Variants in STAT1 observed in about 807,000 individuals in gnomAD.
STAT1 encodes the protein signal transducer and activator of transcription 1-alpha/beta.
Under a neutral mutation model 111.7 loss-of-function variants are expected in STAT1, and 24 were observed. The ratio of observed to expected loss-of-function variants is 0.21; its 90% CI spans 0.16 to 0.30. The LOEUF is 0.30. Ranked by LOEUF, STAT1 falls within the 10% of genes least tolerant of loss-of-function variation. The pLI, the probability that STAT1 is intolerant of heterozygous loss-of-function variation, is 1.00. For missense variants in STAT1, 351 were observed against 911.9 expected (o/e 0.38, Z 7.92); for synonymous variants, 332 against 326.5 (o/e 1.02, Z -0.18).
rs1694422852 is a variant in STAT1 at position 191,003,310 on chromosome 2, G to A, written c.373-2147C>T. 6.6e-6 allele frequency among the ~76,000 whole-genome samples: 1 copy of A among 152,198 alleles called. No homozygotes were observed. Among genetic ancestry groups the A allele is most frequent in the African/African-American group, 2.4e-5 (1 of 41,448 alleles). On this transcript the variant is annotated intron_variant, in intron 5 of 24. Coordinates refer to ENST00000361099, the MANE Select transcript of STAT1 (RefSeq NM_007315.4). The surrounding 1 kb of genome is among the most constrained non-coding windows in gnomAD (Gnocchi z 4.0). ...ACAAAAGGGGTTTCTCTGGGCGGTT[G>A]GAATAAGTTGTCACTTTGAGGAGTT...
In STAT1 at chr2:190,982,318, G is replaced by A. The variant is rs989433021; in HGVS notation, c.1582+65C>T. 14 of 1,581,008 alleles carry A rather than the reference G, an allele frequency of 8.9e-6. No individual in the cohort carries two copies. The highest frequency in any genetic ancestry group is 8.4e-5 in the Admixed American group (5 of 59,768). On this transcript the variant is annotated intron_variant, in intron 18 of 24. Coordinates refer to ENST00000361099, the MANE Select transcript of STAT1 (RefSeq NM_007315.4). The surrounding 1 kb of genome is among the most constrained non-coding windows in gnomAD (Gnocchi z 7.3). ...TAACAAAATAGCAGAGGGGAAAAGA[G>A]CAATTAGAGAGATATTTTTATGAAT...
At position 190,986,263 on chromosome 2, in the gene STAT1, C is replaced by A. The variant is rs1215033479; in HGVS notation, c.1221+591G>T. Among the ~76,000 whole-genome samples the A allele has an allele frequency of 6.6e-6, 1 of 152,178 alleles. No individual in the cohort carries two copies. The highest frequency in any genetic ancestry group is 1.5e-5 in the Non-Finnish European group (1 of 68,022). On this transcript the variant is annotated intron_variant, in intron 14 of 24. Transcript: ENST00000361099. This position sits in a 1 kb window ranked among gnomAD's most constrained non-coding sequence, Gnocchi z 5.0. ...CTGCAGGTTCTGGGCCCAGGGAAAG[C>A]TTCGGACTCAGCACCCACAGAGCCT...
chr2:191,013,389 TG>T (rs3215260), intron 2 of STAT1, 135 bp downstream of exon 2: 168,525 of 364,516 alleles, frequency 0.46, 43,967 homozygotes, highest in Non-Finnish European at 0.55. Context: ...TATTTTGGGG[TG>T]GGGGGTCTGC....
Position 190,993,466 on chromosome 2 carries a change from TA to T in STAT1, c.944+1594del. 1 of 1,245,598 alleles carries T rather than the reference TA, an allele frequency of 8.0e-7. No homozygotes were observed. The highest frequency in any genetic ancestry group is 1.2e-6 in the Non-Finnish European group (1 of 866,472). 77.2% of individuals were successfully genotyped at this position (1,245,598 alleles called of 1,614,324 possible). The stretch of plus-strand genomic sequence containing the variant: ...TGCTGATGTAGCTTTCTGTATATGT[TA>T]TCATCTGCAAACCTAAGAAGGAGGC... On this transcript the variant is annotated intron_variant, in intron 10 of 24. Coordinates refer to ENST00000361099, the MANE Select transcript of STAT1 (RefSeq NM_007315.4). This position sits in a 1 kb window ranked among gnomAD's most constrained non-coding sequence, Gnocchi z 4.1.
Position 190,984,241 on chromosome 2 carries a change from TA to T in STAT1, c.1347+68del. On this transcript the variant is annotated intron_variant, in intron 16 of 24. Transcript: ENST00000361099. The surrounding 1 kb of genome is among the most constrained non-coding windows in gnomAD (Gnocchi z 5.2). Reference sequence around the variant, plus strand: ...TACCTCCAGAACAAACACTGAGAAATAAAAATACATGTAACAATTAAAAGTA... The same window carrying T: ...TACCTCCAGAACAAACACTGAGAAATAAAATACATGTAACAATTAAAAGTA... 1.5e-6 allele frequency: 2 copies of T among 1,296,070 alleles called. No homozygotes were observed. Among genetic ancestry groups the T allele is most frequent in the South Asian group, 1.2e-5 (1 of 82,170 alleles). The allele number at this position is 1,296,070 out of a possible 1,614,324, so 80.3% of individuals were successfully genotyped here.
chr2:191,009,720 T>A (rs1694984236), intron 3 of STAT1, among the ~76,000 whole-genome samples, 156 bp downstream of exon 3: 1 of 152,172 alleles, frequency 6.6e-6, no homozygotes, highest in Non-Finnish European at 1.5e-5. Flanking sequence ...CTCAACTTTG[T>A]TGAGTCATTT....
Position 190,969,649 on chromosome 2 carries a change from G to A in STAT1, c.*1054C>T, listed in dbSNP as rs971028087. On this transcript the variant is annotated 3_prime_UTR_variant, in exon 25 of 25. Coordinates refer to ENST00000361099, the MANE Select transcript of STAT1 (RefSeq NM_007315.4). ...CACATATATCAGCGAAACATATGCA[G>A]TTCTCAATGCAGTTACATAGGAAAT... 7 of 152,200 alleles carry A rather than the reference G, an allele frequency of 4.6e-5. No individual in the cohort carries two copies. 9.4% of individuals were successfully genotyped at this position (152,200 alleles called of 1,614,324 possible).
At chr2:191,005,223 T>C (rs73979323) in intron 5 of STAT1, among the ~76,000 whole-genome samples, 6,012 of 152,284 alleles carry the variant, frequency 0.039, 385 homozygotes, top group African/African-American at 0.14. Context: ...CATTCATGGA[T>C]GGCCTTGTTT....
chr2:190,982,752 T>C lies in STAT1; in HGVS notation c.1447-234A>G, dbSNP rs1033926653. On this transcript the variant is annotated intron_variant, in intron 17 of 24. Coordinates refer to ENST00000361099, the MANE Select transcript of STAT1 (RefSeq NM_007315.4). This position sits in a 1 kb window ranked among gnomAD's most constrained non-coding sequence, Gnocchi z 7.3. ...TCCAAAATCTAAATACATGGCATCT[T>C]TGGGGTCATTTGAAGACACACCCGT... is the stretch of plus-strand genomic sequence containing the variant. 1.3e-5 allele frequency among the ~76,000 whole-genome samples: 2 copies of C among 152,156 alleles called. No individual in the cohort carries two copies. Among genetic ancestry groups the C allele is most frequent in the African/African-American group, 4.8e-5 (2 of 41,438 alleles).
rs969655371 is a variant in STAT1, at chr2:190,986,605, C to T, written c.1221+249G>A. 1.3e-5 allele frequency among the ~76,000 whole-genome samples: 2 copies of T among 152,154 alleles called. No homozygotes were observed. Among genetic ancestry groups the T allele is most frequent in the Non-Finnish European group, 2.9e-5 (2 of 68,032 alleles). On this transcript the variant is annotated intron_variant, in intron 14 of 24. Transcript: ENST00000361099. The surrounding 1 kb of genome is among the most constrained non-coding windows in gnomAD (Gnocchi z 5.0). The stretch of plus-strand genomic sequence containing the variant: ...GCAGGCAGCAAGTGCAAATCATTTA[C>T]GTAAACACAGGCTTAGGAAATATTT...
chr2:190,985,517 G>A (rs1692734227), intron 15 of STAT1, 102 bp downstream of exon 15: 5 of 1,210,416 alleles, frequency 4.1e-6, no homozygotes, highest in Non-Finnish European at 6.1e-6. Flanking sequence ...TCCCTGATGG[G>A]TCTGAACTCC....
chr2:190,998,436 C>T lies in STAT1; in HGVS notation c.542-128G>A, dbSNP rs140609359. 1.1e-4 allele frequency: 81 copies of T among 768,548 alleles called. No homozygotes were observed. The highest frequency in any genetic ancestry group is 9.2e-4 in the African/African-American group (53 of 57,710). 47.6% of individuals were successfully genotyped at this position (768,548 alleles called of 1,614,324 possible). A position where few individuals can be genotyped will look rare whatever the true frequency, so the allele number is the denominator to read the frequency against. On this transcript the variant is annotated intron_variant, in intron 7 of 24. Transcript: ENST00000361099. The surrounding 1 kb of genome is among the most constrained non-coding windows in gnomAD (Gnocchi z 4.1). ...TGACAGGTCAAAGTTTGGCTTTCTT[C>T]GATCTTTAATGAACATGAAAAAAAG...
In STAT1 at chr2:190,993,713, C is replaced by A; in HGVS notation, c.944+1348G>T. 2 of 384,550 alleles carry A rather than the reference C, an allele frequency of 5.2e-6. No homozygotes were observed. The highest frequency in any genetic ancestry group is 2.3e-5 in the South Asian group (1 of 43,390). 23.8% of individuals were successfully genotyped at this position (384,550 alleles called of 1,614,324 possible). A position where few individuals can be genotyped will look rare whatever the true frequency, so the allele number is the denominator to read the frequency against. ...TCTTCCCCGACTCTGCCCCCTGGAA[C>A]GCAATCAGCAGCCGCTGCCACTCAG... is the stretch of plus-strand genomic sequence containing the variant. On this transcript the variant is annotated intron_variant, in intron 10 of 24. Transcript: ENST00000361099. This position sits in a 1 kb window ranked among gnomAD's most constrained non-coding sequence, Gnocchi z 4.1.
chr2:191,013,609 G>A lies in STAT1; in HGVS notation c.-86C>T. On this transcript the variant is annotated 5_prime_UTR_variant, in exon 2 of 25. Coordinates refer to ENST00000361099, the MANE Select transcript of STAT1 (RefSeq NM_007315.4). The stretch of plus-strand genomic sequence containing the variant: ...GCACGTTAGGTGCCAAGACTGTCGA[G>A]GTTATATACACAGAGTGCGAACGTT... 1 of 398,584 alleles carries A rather than the reference G, an allele frequency of 2.5e-6. No individual in the cohort carries two copies. The highest frequency in any genetic ancestry group is 4.4e-5 in the Admixed American group (1 of 22,730). The allele number at this position is 398,584 out of a possible 1,614,324, so 24.7% of individuals were successfully genotyped here.
At chr2:190,985,841 C>A (rs1031794299) in intron 14 of STAT1, among the ~76,000 whole-genome samples, 181 bp from the exon 15 acceptor site, 53 of 152,346 alleles carry the variant, frequency 3.5e-4, no homozygotes, top group Non-Finnish European at 5.7e-4. Context: ...CACGTTTCCT[C>A]AGTGGCCTCA....
rs369876674 is a variant in STAT1, at chr2:190,976,957, T to C, written c.1942A>G (p.Ile648Val). 1.6e-5 allele frequency: 26 copies of C among 1,614,126 alleles called. No individual in the cohort carries two copies. Among genetic ancestry groups the C allele is most frequent in the Non-Finnish European group, 2.2e-5 (26 of 1,180,044 alleles). Residue 648 changes from isoleucine to valine, a missense_variant, in exon 22 of 25, where the codon ATT becomes GTT. Around this residue, in one of 7 missense-constraint regions of STAT1, gnomAD observed 181 missense variants for 426.1 expected, o/e 0.42. Transcript: ENST00000361099. This position sits in a 1 kb window ranked among gnomAD's most constrained non-coding sequence, Gnocchi z 6.0. The part of the protein sequence containing the change: ...ELSAVTFPDI[I>V]RNYKVMAAEN... ...GCAGCCATGACTTTGTAATTGCGAATGATGTCAGGGAAAGTAACAGCAGAA... is the reference window on the plus strand; with the variant it reads ...GCAGCCATGACTTTGTAATTGCGAACGATGTCAGGGAAAGTAACAGCAGAA...
At position 190,980,248 on chromosome 2, in the gene STAT1, G is replaced by C. The variant is rs776359106; in HGVS notation, c.1632+372C>G. Among the ~76,000 whole-genome samples the C allele has an allele frequency of 6.6e-6, 1 of 152,268 alleles. No individual in the cohort carries two copies. Among genetic ancestry groups the C allele is most frequent in the Non-Finnish European group, 1.5e-5 (1 of 68,044 alleles). ...CAGCAGAATCTAAATGTTCCCCGCAGTGGGCCCCTCTGCTCGAGCAGGCCG... is the reference window on the plus strand; with the variant it reads ...CAGCAGAATCTAAATGTTCCCCGCACTGGGCCCCTCTGCTCGAGCAGGCCG... On this transcript the variant is annotated intron_variant, in intron 19 of 24. Transcript: ENST00000361099. The surrounding 1 kb of genome is among the most constrained non-coding windows in gnomAD (Gnocchi z 6.1).
In STAT1 at chr2:190,996,726, T is replaced by A. The variant is rs115923700; in HGVS notation, c.785+1130A>T. Among the ~76,000 whole-genome samples, 586 of 152,316 alleles carry A rather than the reference T, an allele frequency of 3.8e-3. 4 individuals are homozygous for A. Among genetic ancestry groups the A allele is most frequent in the African/African-American group, 0.013 (541 of 41,560 alleles). ...GGCTGAATATTAATTGTGATTTTTT[T>A]AAAAACTGGCAATATAGAAAATAAC... On this transcript the variant is annotated intron_variant, in intron 9 of 24. Coordinates refer to ENST00000361099, the MANE Select transcript of STAT1 (RefSeq NM_007315.4). The surrounding 1 kb of genome is among the most constrained non-coding windows in gnomAD (Gnocchi z 4.5).
At position 191,013,678 on chromosome 2, in the gene STAT1, T is replaced by G. The variant is rs947541007; in HGVS notation, c.-155A>C. The G allele has an allele frequency of 2.5e-6, 1 of 398,588 alleles. No individual in the cohort carries two copies. The highest frequency in any genetic ancestry group is 1.3e-4 in the South Asian group (1 of 7,852). 24.7% of individuals were successfully genotyped at this position (398,588 alleles called of 1,614,324 possible). ...GGATGGCATACAGCAAATGAAACTT[T>G]CTGCGAAAAGAAGAAAACGTGACTG... On this transcript the variant is annotated splice_region_variant and 5_prime_UTR_variant, in exon 2 of 25. Coordinates refer to ENST00000361099, the MANE Select transcript of STAT1 (RefSeq NM_007315.4).
Sources: allele counts gnomAD v4.1 joint callset (sites outside exome capture counted in the v4.1 genomes callset), GRCh38; gene constraint gnomAD v4.1.1; regional missense constraint gnomAD v4.1.1; non-coding constraint Gnocchi (gnomAD v3.1); transcripts MANE v1.5; gene names NCBI Gene and HGNC (gene_info 2026-07-23, HGNC 2026-07-21).